Variants in SPMIP4 observed in about 807,000 individuals in gnomAD.
SPMIP4 encodes sperm-associated microtubule inner protein 4.
At chr7:25,173,812 C>T in the SPMIP4 span, among the ~76,000 whole-genome samples, 1 of 152,076 alleles carries the variant, frequency 6.6e-6, no homozygotes, top group Non-Finnish European at 1.5e-5. The surrounding 1 kb of genome is among the most constrained non-coding windows in gnomAD (Gnocchi z 4.4). Context: ...GAAGATGAGC[C>T]GGTAGAAAAT....
the SPMIP4 span, among the ~76,000 whole-genome samples, chr7:25,133,904 G>T: frequency 2.0e-5 from 3 of 152,158 alleles, no homozygotes; most frequent in African/African-American, 7.2e-5. Context: ...TACTGGACAA[G>T]TGAGTCTTAA....
chr7:25,161,179 C>A, the SPMIP4 span: 1 of 1,499,654 alleles, frequency 6.7e-7, no homozygotes, highest in Non-Finnish European at 9.0e-7. Context: ...GGAAAAAAAC[C>A]CAGACTTACA....
chr7:25,136,904 G>A, the SPMIP4 span: 1 of 1,028,330 alleles, frequency 9.7e-7, no homozygotes, highest in Non-Finnish European at 1.4e-6. The surrounding 1 kb of genome is among the most constrained non-coding windows in gnomAD (Gnocchi z 5.7). Flanking sequence ...ATGGGCATAG[G>A]AGTGTACATT....
At chr7:25,152,512 A>G in the SPMIP4 span, among the ~76,000 whole-genome samples, 1 of 152,208 alleles carries the variant, frequency 6.6e-6, no homozygotes, top group Non-Finnish European at 1.5e-5. Flanking sequence ...TAACATTACT[A>G]TAAGAAAGGT....
At chr7:25,129,462 G>C in the SPMIP4 span, among the ~76,000 whole-genome samples, 1 of 152,148 alleles carries the variant, frequency 6.6e-6, no homozygotes. Context: ...TGTCCCTTCC[G>C]CAAGCACACT....
chr7:25,179,193 G>C, the SPMIP4 span: 1 of 1,608,216 alleles, frequency 6.2e-7, no homozygotes, highest in East Asian at 2.2e-5. Context: ...TGAGGCAGTT[G>C]GGCGAGTAAC....
chr7:25,129,980 G>A, the SPMIP4 span, among the ~76,000 whole-genome samples: 1 of 151,982 alleles, frequency 6.6e-6, no homozygotes, highest in South Asian at 2.1e-4. Context: ...GCTCATGCCT[G>A]TAATCCCAAC....
At chr7:25,170,880 G>A in the SPMIP4 span, among the ~76,000 whole-genome samples, 1 of 152,156 alleles carries the variant, frequency 6.6e-6, no homozygotes, top group African/African-American at 2.4e-5. Context: ...TCTTGTAAAG[G>A]AGCTACTTAC....
chr7:25,155,335 T>C, the SPMIP4 span: 1 of 584,028 alleles, frequency 1.7e-6, no homozygotes, highest in African/African-American at 1.9e-5. Context: ...AGTGAGTCAA[T>C]GTCCCTGTGC....
At chr7:25,178,812 G>A in the SPMIP4 span, among the ~76,000 whole-genome samples, 1 of 152,170 alleles carries the variant, frequency 6.6e-6, no homozygotes, top group Non-Finnish European at 1.5e-5. Flanking sequence ...GCCGAGGTGG[G>A]TGGATCATTT....
chr7:25,142,292 A>G, the SPMIP4 span: 2 of 1,613,462 alleles, frequency 1.2e-6, no homozygotes, highest in Non-Finnish European at 1.7e-6. Flanking sequence ...CCATCTTTTC[A>G]TGGTAATCAT....
At chr7:25,159,395 C>A in the SPMIP4 span, among the ~76,000 whole-genome samples, 15 of 152,312 alleles carry the variant, frequency 9.8e-5, no homozygotes, top group African/African-American at 3.4e-4. Flanking sequence ...TTACTCCGAA[C>A]CTTGCATGCC....
the SPMIP4 span, among the ~76,000 whole-genome samples, chr7:25,171,647 A>G: frequency 6.6e-6 from 1 of 152,222 alleles, no homozygotes; most frequent in Non-Finnish European, 1.5e-5. Context: ...TGCTACATAG[A>G]GGGTAAATAG....
chr7:25,166,883 GA>G, the SPMIP4 span, among the ~76,000 whole-genome samples: 1 of 148,204 alleles, frequency 6.7e-6, no homozygotes, highest in African/African-American at 2.6e-5. Context: ...CAACAAGAGT[GA>G]AACTCCACCT....
At chr7:25,136,427 C>A in the SPMIP4 span, 2 of 1,614,006 alleles carry the variant, frequency 1.2e-6, no homozygotes, top group Non-Finnish European at 1.7e-6. This position sits in a 1 kb window ranked among gnomAD's most constrained non-coding sequence, Gnocchi z 5.7. Context: ...CAGTATAAAT[C>A]TTCTGTCTTT....
the SPMIP4 span, among the ~76,000 whole-genome samples, chr7:25,151,109 G>T: frequency 6.6e-6 from 1 of 152,002 alleles, no homozygotes; most frequent in Non-Finnish European, 1.5e-5. Flanking sequence ...GGTAACTGTG[G>T]AATGTTCCAT....
At chr7:25,179,111 A>G in the SPMIP4 span, 6 of 1,480,588 alleles carry the variant, frequency 4.1e-6, no homozygotes, top group African/African-American at 1.4e-5. Flanking sequence ...TTCCTCACAT[A>G]ATAAAATACA....
At chr7:25,168,160 C>T in the SPMIP4 span, 2,548 of 746,168 alleles carry the variant, frequency 3.4e-3, 51 homozygotes, top group African/African-American at 0.041. Flanking sequence ...ATTTTTCATT[C>T]TGTGTCTTTT....
At chr7:25,158,732 TA>T in the SPMIP4 span, among the ~76,000 whole-genome samples, 1 of 150,852 alleles carries the variant, frequency 6.6e-6, no homozygotes, top group Non-Finnish European at 1.5e-5. Context: ...AATAGAAAAA[TA>T]CCAAAAATAC....
Sources: gnomAD v4.1 joint callset for allele counts (sites outside exome capture counted in the v4.1 genomes callset) on GRCh38, gnomAD v4.1.1 for gene constraint, Gnocchi (gnomAD v3.1) non-coding constraint, MANE v1.5 for transcripts, NCBI Gene and HGNC (gene_info 2026-07-23, HGNC 2026-07-21) for gene names.